The following TAMM41 variants were observed in gnomAD, a reference collection of about 807,000 sequenced individuals.
The protein encoded by TAMM41 is TAM41 mitochondrial translocator assembly and maintenance homolog.
In TAMM41, 36 loss-of-function variants were observed where a neutral mutation model predicts 44.1. The observed-to-expected ratio is 0.82, with a 90% CI of 0.63 to 1.08. The LOEUF (loss-of-function observed/expected upper bound fraction) is 1.08, where lower values mean the gene tolerates loss of function less well. Ranked by LOEUF, TAMM41 falls within the 50% of genes least tolerant of loss-of-function variation. The pLI is 0.00. For missense variants in TAMM41, 417 were observed against 404.3 expected (o/e 1.03, Z -0.27); for synonymous variants, 164 against 153.1 (o/e 1.07, Z -0.53).
the TAMM41 span, among the ~76,000 whole-genome samples, chr3:11,725,750 C>G: frequency 6.6e-6 from 1 of 152,138 alleles, no homozygotes; most frequent in Non-Finnish European, 1.5e-5. Flanking sequence ...TGACTCTTCC[C>G]TTTCCACTAA....
the TAMM41 span, among the ~76,000 whole-genome samples, chr3:11,750,349 G>T: frequency 1.3e-5 from 2 of 152,120 alleles, no homozygotes; most frequent in African/African-American, 4.8e-5. Flanking sequence ...CTGTTGCCCA[G>T]GCTGAAGTGC....
At chr3:11,797,570 TAAG>T (rs147898402) in intron 7 of TAMM41, among the ~76,000 whole-genome samples, 2,170 of 152,236 alleles carry the variant, frequency 0.014, 63 homozygotes, top group African/African-American at 0.049. Flanking sequence ...ATTCTGGACA[TAAG>T]AATGGGCAAA....
chr3:11,810,080 G>C (rs1409309622), intron 5 of TAMM41: 1 of 180,768 alleles, frequency 5.5e-6, no homozygotes, highest in Non-Finnish European at 1.1e-5. Context: ...CAAACACAGG[G>C]AGACTGGCGT....
chr3:11,777,252 AT>A, the TAMM41 span, among the ~76,000 whole-genome samples: 3 of 152,052 alleles, frequency 2.0e-5, no homozygotes, highest in Non-Finnish European at 2.9e-5. Flanking sequence ...AATACATATA[AT>A]TTTTTTTGTC....
chr3:11,771,671 C>T, the TAMM41 span, among the ~76,000 whole-genome samples: 1 of 152,146 alleles, frequency 6.6e-6, no homozygotes, highest in Non-Finnish European at 1.5e-5. Context: ...CAACCTCCGC[C>T]TCCCAGGTTC....
At chr3:11,786,310 AT>A (rs1351990515), downstream of TAMM41, among the ~76,000 whole-genome samples, 7 of 116,240 alleles carry the variant, frequency 6.0e-5, no homozygotes, top group Non-Finnish European at 7.5e-5. Flanking sequence ...TATTATTATT[AT>A]TATTATTTTT....
At chr3:11,783,012 G>T in the TAMM41 span, among the ~76,000 whole-genome samples, 1 of 152,316 alleles carries the variant, frequency 6.6e-6, no homozygotes, top group African/African-American at 2.4e-5. Context: ...GATTCAGCTG[G>T]AGCTGCAGAC....
intron 7 of TAMM41, among the ~76,000 whole-genome samples, chr3:11,804,811 G>C (rs1485753929): frequency 6.6e-6 from 1 of 151,862 alleles, no homozygotes; most frequent in Non-Finnish European, 1.5e-5. Context: ...CAGCAGATGT[G>C]ACACAAGTGC....
intron 2 of TAMM41, 28 bp from the exon 3 acceptor site, chr3:11,839,342 C>A (rs303862): frequency 0.55 from 809,144 of 1,469,692 alleles, 223,372 homozygotes; most frequent in East Asian, 0.66. Flanking sequence ...TGGCACAAAA[C>A]GGAGTAAAAT....
chr3:11,773,873 G>A, the TAMM41 span, among the ~76,000 whole-genome samples: 1 of 152,156 alleles, frequency 6.6e-6, no homozygotes, highest in African/African-American at 2.4e-5. Context: ...TGGATCACCT[G>A]AGGTCAGGAG....
At chr3:11,723,376 T>C in the TAMM41 span, among the ~76,000 whole-genome samples, 1 of 151,980 alleles carries the variant, frequency 6.6e-6, no homozygotes, top group Non-Finnish European at 1.5e-5. Flanking sequence ...GCTCAGGAGT[T>C]TGAGACCAGC....
At chr3:11,729,539 ATTTTTTTTTTTTTTTTTTTT>A in the TAMM41 span, among the ~76,000 whole-genome samples, 3 of 32,272 alleles carry the variant, frequency 9.3e-5, no homozygotes, top group Non-Finnish European at 2.0e-4. Context: ...TCTTTCTTTC[ATTTTTTTTTTTTTTTTTTTT>A]TTTTTTTTTT....
intron 3 of TAMM41, among the ~76,000 whole-genome samples, chr3:11,837,151 G>T (rs1282845324): frequency 6.6e-6 from 1 of 152,118 alleles, no homozygotes; most frequent in Non-Finnish European, 1.5e-5. Context: ...ATAAAGAGAT[G>T]TTTATGACAC....
chr3:11,746,350 A>G, the TAMM41 span, among the ~76,000 whole-genome samples: 1 of 151,964 alleles, frequency 6.6e-6, no homozygotes, highest in Admixed American at 6.6e-5. Flanking sequence ...ATATGACGCC[A>G]GAAGTGTACA....
chr3:11,725,281 C>T, the TAMM41 span, among the ~76,000 whole-genome samples: 2 of 138,916 alleles, frequency 1.4e-5, no homozygotes, highest in Admixed American at 7.5e-5. Flanking sequence ...CCCTCTTCTC[C>T]TCCTTCTCCT....
intron 2 of TAMM41, chr3:11,843,734 A>T (rs2079550376): frequency 3.4e-6 from 1 of 292,250 alleles, no homozygotes; most frequent in Non-Finnish European, 6.2e-6. Flanking sequence ...TAAAAAAAAT[A>T]AAATAAGTCA....
chr3:11,807,453 T>C (rs200327117), intron 7 of TAMM41: 1 of 1,389,098 alleles, frequency 7.2e-7, no homozygotes, highest in Non-Finnish European at 9.0e-7. Context: ...AATAACCCAC[T>C]AAGACAGATG....
intron 5 of TAMM41, among the ~76,000 whole-genome samples, chr3:11,813,826 A>ATGTG (rs769715029): frequency 1.9e-4 from 22 of 114,086 alleles, no homozygotes; most frequent in South Asian, 2.9e-4. Flanking sequence ...GGGTACAAAT[A>ATGTG]TATGTGTGTG....
rs2077963625 is a variant in TAMM41, at chr3:11,807,827, T to C, written c.937+6A>G. On this transcript the variant is annotated splice_donor_region_variant and intron_variant, in intron 7 of 7. Coordinates refer to ENST00000455809, the MANE Select transcript of TAMM41 (RefSeq NM_001284401.2). The stretch of plus-strand genomic sequence containing the variant: ...TATGTTACACACGGATTTCCAAAGC[T>C]CTTACCAGCAGTAAAAATGCCTTTC... 5.9e-6 allele frequency: 9 copies of C among 1,536,006 alleles called. No homozygotes were observed. Among genetic ancestry groups the C allele is most frequent in the Non-Finnish European group, 7.8e-6 (9 of 1,146,902 alleles).
Sources: gnomAD v4.1 joint callset for allele counts (sites outside exome capture counted in the v4.1 genomes callset) on GRCh38, gnomAD v4.1.1 for gene constraint, MANE v1.5 for transcripts, NCBI Gene and HGNC (gene_info 2026-07-23, HGNC 2026-07-21) for gene names.